The following PPP3R1 variants were observed in gnomAD, a reference collection of about 807,000 sequenced individuals.
The protein encoded by PPP3R1 is calcineurin subunit B type 1.
In PPP3R1, 5 loss-of-function variants were observed where a neutral mutation model predicts 22.6. That is an observed-to-expected ratio of 0.22 (90% CI 0.12 to 0.46). The LOEUF is 0.46. PPP3R1 is among the 20% of genes least tolerant of loss of function. The pLI is 0.99. For synonymous variants in PPP3R1, 56 were observed against 65.2 expected, an observed-to-expected ratio of 0.86 and a Z score of 0.68; for missense variants, 61 against 203.2, an observed-to-expected ratio of 0.30 and a Z score of 4.25.
intron 5 of PPP3R1, among the ~76,000 whole-genome samples, chr2:68,184,115 CTT>C (rs1674480157): frequency 6.6e-6 from 1 of 152,188 alleles, no homozygotes; most frequent in Non-Finnish European, 1.5e-5. Context: ...TCCCCAATCT[CTT>C]GATAGGGTGC....
intron 2 of PPP3R1, among the ~76,000 whole-genome samples, chr2:68,198,374 C>CAT (rs1558631141): frequency 2.7e-5 from 1 of 37,202 alleles, no homozygotes; most frequent in African/African-American, 1.2e-4. Context: ...CATATATGTA[C>CAT]ATGTATATGC....
At chr2:68,219,078 AAATTC>A (rs1440399673) in intron 1 of PPP3R1, among the ~76,000 whole-genome samples, 1 of 152,116 alleles carries the variant, frequency 6.6e-6, no homozygotes, top group Admixed American at 6.6e-5. Context: ...ATCTCTGCTA[AAATTC>A]AATAGCTCCC....
intron 1 of PPP3R1, 74 bp from the exon 2 acceptor site, chr2:68,217,205 T>G (rs1445887380): frequency 9.2e-7 from 1 of 1,087,484 alleles, no homozygotes; most frequent in East Asian, 2.6e-5. Context: ...CTAAATATTT[T>G]AAGTCAAAAA....
intron 1 of PPP3R1, among the ~76,000 whole-genome samples, chr2:68,245,612 T>C (rs887704667): frequency 3.9e-4 from 60 of 152,332 alleles, no homozygotes; most frequent in African/African-American, 1.4e-3. Context: ...TCTAACTCTT[T>C]TCAACTCTAT....
intron 2 of PPP3R1, among the ~76,000 whole-genome samples, chr2:68,197,208 C>CCCT (rs1674800005): frequency 6.6e-6 from 1 of 152,150 alleles, no homozygotes; most frequent in Non-Finnish European, 1.5e-5. Flanking sequence ...CAGTCAATCA[C>CCCT]CCTTTTCTTA....
chr2:68,238,367 C>T lies in PPP3R1; in HGVS notation c.3+13758G>A, dbSNP rs1312929885. Among the ~76,000 whole-genome samples, 5 of 152,104 alleles carry T rather than the reference C, an allele frequency of 3.3e-5. No homozygotes were observed. The East Asian group carries it at 9.6e-4, about 29-fold the overall frequency. ...AGTTGGGAACATTTTCACACAATGC[C>T]ACTGTGGATCTTGACGTTTGCCAGA... On this transcript the variant is annotated intron_variant, in intron 1 of 5. Transcript: ENST00000234310.
chr2:68,218,325 AAT>A (rs1256522661), intron 1 of PPP3R1, among the ~76,000 whole-genome samples: 1 of 152,142 alleles, frequency 6.6e-6, no homozygotes, highest in Non-Finnish European at 1.5e-5. Flanking sequence ...CTTAAAGGCT[AAT>A]CAGTAAATTA....
intron 2 of PPP3R1, among the ~76,000 whole-genome samples, chr2:68,191,248 T>C (rs1395993581): frequency 6.6e-6 from 1 of 152,178 alleles, no homozygotes; most frequent in Non-Finnish European, 1.5e-5. Flanking sequence ...TGGGACAGCC[T>C]ACTACACACC....
At position 68,251,977 on chromosome 2, in the gene PPP3R1, C is replaced by A. The variant is rs1670371992; in HGVS notation, c.3+148G>T. Reference sequence around the variant, plus strand: ...GCCCCGCCGCCCTCTCCGGCTCGCCCGCAACCGCCGCGGGACCCGCCGGGC... The same window carrying A: ...GCCCCGCCGCCCTCTCCGGCTCGCCAGCAACCGCCGCGGGACCCGCCGGGC... On this transcript the variant is annotated intron_variant, in intron 1 of 5. Coordinates refer to ENST00000234310, the MANE Select transcript of PPP3R1 (RefSeq NM_000945.4). 7 of 832,166 alleles carry A rather than the reference C, an allele frequency of 8.4e-6. No individual in the cohort carries two copies. The South Asian group carries it at 3.8e-4, about 45-fold the overall frequency. The allele number at this position is 832,166 out of a possible 1,614,324, so 51.5% of individuals were successfully genotyped here. A position where few individuals can be genotyped will look rare whatever the true frequency, so the allele number is the denominator to read the frequency against.
intron 2 of PPP3R1, among the ~76,000 whole-genome samples, chr2:68,207,609 C>T (rs989201340): frequency 6.6e-6 from 1 of 152,166 alleles, no homozygotes; most frequent in African/African-American, 2.4e-5. Context: ...AATCTGTGAA[C>T]TATGGTTCCC....
At chr2:68,193,682 C>T (rs1365044485) in intron 2 of PPP3R1, among the ~76,000 whole-genome samples, 1 of 152,146 alleles carries the variant, frequency 6.6e-6, no homozygotes, top group Non-Finnish European at 1.5e-5. Flanking sequence ...AGCAGTGTTG[C>T]TGTGCTACAG....
chr2:68,219,093 C>T (rs1253114491), intron 1 of PPP3R1, among the ~76,000 whole-genome samples: 1 of 152,170 alleles, frequency 6.6e-6, no homozygotes, highest in Non-Finnish European at 1.5e-5. Flanking sequence ...CAATAGCTCC[C>T]ACCTGCCTTC....
intron 1 of PPP3R1, among the ~76,000 whole-genome samples, chr2:68,240,101 A>G (rs765793531): frequency 6.6e-6 from 1 of 152,224 alleles, no homozygotes; most frequent in Non-Finnish European, 1.5e-5. Context: ...TCAACTTACA[A>G]TGGGTTTATC....
At chr2:68,194,342 T>C (rs1674726347) in intron 2 of PPP3R1, among the ~76,000 whole-genome samples, 1 of 152,098 alleles carries the variant, frequency 6.6e-6, no homozygotes, top group Non-Finnish European at 1.5e-5. Context: ...AGATGGTAAC[T>C]CATTTTAAAA....
At chr2:68,248,858 A>G (rs912981479) in intron 1 of PPP3R1, among the ~76,000 whole-genome samples, 3 of 152,174 alleles carry the variant, frequency 2.0e-5, no homozygotes, top group African/African-American at 7.2e-5. Flanking sequence ...TACTATTCAT[A>G]TGACACTCAT....
At position 68,187,365 on chromosome 2, in the gene PPP3R1, C is replaced by CA. The variant is rs948877739; in HGVS notation, c.221-52dup. The CA allele has an allele frequency of 5.5e-6, 8 of 1,444,964 alleles. No homozygotes were observed. In the African/African-American group the frequency reaches 7.0e-5, roughly 13 times the overall value. The allele number at this position is 1,444,964 out of a possible 1,614,324, so 89.5% of individuals were successfully genotyped here. A position where few individuals can be genotyped will look rare whatever the true frequency, so the allele number is the denominator to read the frequency against. ...AAATCAGAACTTCCAATTTTTTACA[C>CA]AAAAAACATATTTACCTTACATACC... On this transcript the variant is annotated intron_variant, in intron 3 of 5. Transcript: ENST00000234310.
chr2:68,213,730 A>G lies in PPP3R1; in HGVS notation c.43+3362T>C, dbSNP rs556772868. On this transcript the variant is annotated intron_variant, in intron 2 of 5. Coordinates refer to ENST00000234310, the MANE Select transcript of PPP3R1 (RefSeq NM_000945.4). The stretch of plus-strand genomic sequence containing the variant: ...AAAGTACAATAAATCAAAGCATAAT[A>G]AAATGAGATACACCTGCATACTACC... Among the ~76,000 whole-genome samples, 4 of 152,366 alleles carry G rather than the reference A, an allele frequency of 2.6e-5. No homozygotes were observed. In the South Asian group the frequency reaches 8.3e-4, roughly 32 times the overall value.
At chr2:68,187,619 CTG>C (rs916278216) in intron 3 of PPP3R1, among the ~76,000 whole-genome samples, 4 of 152,072 alleles carry the variant, frequency 2.6e-5, no homozygotes, top group African/African-American at 7.2e-5. Flanking sequence ...TAGAATATGA[CTG>C]TAACAAGGGG....
intron 3 of PPP3R1, 115 bp downstream of exon 3, chr2:68,188,399 C>G: frequency 1.3e-6 from 1 of 792,948 alleles, no homozygotes; most frequent in Non-Finnish European, 1.9e-6. Context: ...TTAACATAAT[C>G]TATTATTGTA....
Sources: gnomAD v4.1 joint callset for allele counts (sites outside exome capture counted in the v4.1 genomes callset) on GRCh38, gnomAD v4.1.1 for gene constraint, MANE v1.5 for transcripts, NCBI Gene and HGNC (gene_info 2026-07-23, HGNC 2026-07-21) for gene names.